ATL1: variants seen among roughly 807,000 people sequenced by gnomAD.
The protein encoded by ATL1 is atlastin GTPase 1.
In ATL1, 31 loss-of-function variants were observed where a neutral mutation model predicts 75.5. The observed-to-expected ratio is 0.41, with a 90% CI of 0.31 to 0.55. ATL1 has a LOEUF of 0.55. Among genes scored for constraint, ATL1 ranks in the 20% least tolerant of loss-of-function variants. The pLI is 0.27. For missense variants in ATL1, 405 were observed against 662.6 expected (o/e 0.61, Z 4.27); for synonymous variants, 226 against 233.3 (o/e 0.97, Z 0.28).
chr14:50,588,872 TCA>T (rs1035346768), intron 2 of ATL1, among the ~76,000 whole-genome samples: 1 of 152,198 alleles, frequency 6.6e-6, no homozygotes, highest in Non-Finnish European at 1.5e-5. Context: ...TTAATAATAA[TCA>T]CAATTTATTC....
intron 4 of ATL1, among the ~76,000 whole-genome samples, chr14:50,593,551 A>G (rs926211486): frequency 9.2e-5 from 14 of 152,326 alleles, no homozygotes; most frequent in African/African-American, 3.4e-4. Flanking sequence ...CTTGCTTGGA[A>G]GAATGAGTTT....
chr14:50,594,697 T>C (rs2039195768), intron 5 of ATL1, among the ~76,000 whole-genome samples: 2 of 152,150 alleles, frequency 1.3e-5, no homozygotes, highest in Non-Finnish European at 2.9e-5. Flanking sequence ...TTCGAATTCA[T>C]TTCAAGATTC....
intron 1 of ATL1, among the ~76,000 whole-genome samples, chr14:50,543,146 C>G (rs1046660843): frequency 5.3e-5 from 8 of 152,360 alleles, no homozygotes; most frequent in African/African-American, 1.9e-4. Flanking sequence ...AGTGCTTGCT[C>G]AGTGTGCCTA....
At chr14:50,592,260 A>C (rs763220259) in intron 4 of ATL1, among the ~76,000 whole-genome samples, 14 of 152,210 alleles carry the variant, frequency 9.2e-5, no homozygotes. Context: ...AAAAGATTTT[A>C]AGACTATTTT....
chr14:50,614,641 G>A (rs1238191780), intron 8 of ATL1, 130 bp downstream of exon 8: 1 of 1,053,308 alleles, frequency 9.5e-7, no homozygotes, highest in Non-Finnish European at 1.4e-6. Context: ...AAATTGTCAG[G>A]AGAATAGGGC....
chr14:50,629,583 C>CAA (rs1179543983), intron 12 of ATL1, among the ~76,000 whole-genome samples: 16 of 112,910 alleles, frequency 1.4e-4, no homozygotes, highest in Non-Finnish European at 1.6e-4. Context: ...CTCCATCTCC[C>CAA]AAAAAAAAAA....
At chr14:50,538,215 C>A (rs1291611901) in intron 1 of ATL1, among the ~76,000 whole-genome samples, 1 of 152,190 alleles carries the variant, frequency 6.6e-6, no homozygotes, top group African/African-American at 2.4e-5. Context: ...TGAGCCCTCC[C>A]TTTGCCTATT....
At chr14:50,594,433 C>T (rs1388226331) in intron 5 of ATL1, among the ~76,000 whole-genome samples, 3 of 152,088 alleles carry the variant, frequency 2.0e-5, no homozygotes, top group Non-Finnish European at 4.4e-5. Context: ...CCTAATTTAA[C>T]ATCAAATTTA....
chr14:50,615,896 C>A (rs777001098), intron 8 of ATL1, among the ~76,000 whole-genome samples: 10 of 152,218 alleles, frequency 6.6e-5, no homozygotes, highest in Non-Finnish European at 1.2e-4. Context: ...CTGCAGTATA[C>A]AGCTACAGCT....
At chr14:50,545,692 G>A (rs2038622608) in intron 1 of ATL1, among the ~76,000 whole-genome samples, 1 of 152,180 alleles carries the variant, frequency 6.6e-6, no homozygotes, top group Non-Finnish European at 1.5e-5. Context: ...AAAGGCACAT[G>A]CGAGTATCCA....
At chr14:50,554,109 GTT>G (rs369844075) in intron 1 of ATL1, among the ~76,000 whole-genome samples, 34 of 146,594 alleles carry the variant, frequency 2.3e-4, no homozygotes, top group African/African-American at 8.0e-4. Context: ...TTTTTAAAAA[GTT>G]TTTTTTTTTT....
At chr14:50,555,262 T>TTTTTG (rs141877825), upstream of ATL1, among the ~76,000 whole-genome samples, 17 of 151,448 alleles carry the variant, frequency 1.1e-4, no homozygotes, top group African/African-American at 3.6e-4. Context: ...AGTTCCTTCA[T>TTTTTG]TTTTGTTTTG....
rs921388034 is a variant in ATL1 at position 50,613,315 on chromosome 14, C to T, written c.687C>T (p.Ala229=). 8 of 1,613,104 alleles carry T rather than the reference C, an allele frequency of 5.0e-6. No homozygotes were observed. The highest frequency in any genetic ancestry group is 1.7e-5 in the Admixed American group (1 of 59,948). The change falls in exon 7 of 14, where the codon GCC becomes GCT. Residue 229 remains alanine (A), a synonymous_variant. Coordinates refer to ENST00000358385, the MANE Select transcript of ATL1 (RefSeq NM_015915.5). ...WSFPYEFSYG[A]DGGAKFLEKR... ...TCCCATACGAATTTTCATATGGAGCCGATGGTGGTGCCAAATTCTTGGAAA... is the reference window on the plus strand; with the variant it reads ...TCCCATACGAATTTTCATATGGAGCTGATGGTGGTGCCAAATTCTTGGAAA...
intron 11 of ATL1, among the ~76,000 whole-genome samples, chr14:50,625,336 C>T (rs796162741): frequency 1.3e-5 from 2 of 152,082 alleles, no homozygotes; most frequent in East Asian, 3.9e-4. Context: ...AAGCCATCTC[C>T]GTAACATAAA....
At chr14:50,577,057 TTTTG>T (rs2039012526) in intron 1 of ATL1, among the ~76,000 whole-genome samples, 1 of 152,070 alleles carries the variant, frequency 6.6e-6, no homozygotes, top group Admixed American at 6.6e-5. Context: ...TGTTATAAGT[TTTTG>T]TTTGTTTGTT....
chr14:50,541,860 A>C (rs1045405407), intron 1 of ATL1, among the ~76,000 whole-genome samples: 28 of 151,738 alleles, frequency 1.8e-4, no homozygotes, highest in African/African-American at 5.1e-4. Flanking sequence ...ACAAAAAATT[A>C]GCTGGGTGCG....
chr14:50,565,589 C>G lies in ATL1; in HGVS notation c.34+5290C>G, dbSNP rs529370474. On this transcript the variant is annotated intron_variant, in intron 1 of 13. Transcript: ENST00000358385. Reference sequence around the variant, plus strand: ...TTCCCTACATTTTTTAAGTTGCCTTCCCTGCATCTTTTCAAATGTACTTTT... The same window carrying G: ...TTCCCTACATTTTTTAAGTTGCCTTGCCTGCATCTTTTCAAATGTACTTTT... Among the ~76,000 whole-genome samples, 5 of 151,770 alleles carry G rather than the reference C, an allele frequency of 3.3e-5. No individual in the cohort carries two copies. In the South Asian group the frequency reaches 1.0e-3, roughly 31 times the overall value.
intron 8 of ATL1, among the ~76,000 whole-genome samples, chr14:50,619,796 A>AC (rs1315098669): frequency 2.0e-5 from 3 of 152,108 alleles, no homozygotes; most frequent in Non-Finnish European, 4.4e-5. Context: ...CAGTCCAGTT[A>AC]CCACAGCTTA....
chr14:50,566,229 C>T (rs866645065), intron 1 of ATL1, among the ~76,000 whole-genome samples: 2 of 118,132 alleles, frequency 1.7e-5, no homozygotes, highest in South Asian at 5.8e-4. Flanking sequence ...AACTCCTGAC[C>T]TCAGGTGATC....
Sources: allele counts gnomAD v4.1 joint callset (sites outside exome capture counted in the v4.1 genomes callset), GRCh38; gene constraint gnomAD v4.1.1; transcripts MANE v1.5; gene names NCBI Gene and HGNC (gene_info 2026-07-23, HGNC 2026-07-21).